Variants in TMEM44 observed in about 807,000 individuals in gnomAD.
TMEM44 encodes transmembrane protein 44.
In TMEM44, 43 loss-of-function variants were observed where a neutral mutation model predicts 47.8. That is an observed-to-expected ratio of 0.90 (90% CI 0.70 to 1.16). TMEM44 has a LOEUF of 1.16. TMEM44 is among the 50% of genes most tolerant of loss of function. The probability of loss-of-function intolerance (pLI) is 0.00; values close to 1 mark genes in which losing one functional copy is unlikely to be tolerated. For synonymous variants in TMEM44, 277 were observed against 238.8 expected (o/e 1.16, Z -1.48); for missense variants, 568 against 555.2 (o/e 1.02, Z -0.23).
At chr3:194,602,886 T>A (rs76734410) in intron 9 of TMEM44, among the ~76,000 whole-genome samples, 1 of 152,200 alleles carries the variant, frequency 6.6e-6, no homozygotes, top group East Asian at 1.9e-4. Context: ...CAATGGCTAA[T>A]TGATTATTTT....
intron 5 of TMEM44, among the ~76,000 whole-genome samples, chr3:194,618,793 C>A (rs1716221859): frequency 6.6e-6 from 1 of 152,162 alleles, no homozygotes; most frequent in Non-Finnish European, 1.5e-5. Context: ...CAAAAAGAAT[C>A]CTTAAGAGTG....
intron 5 of TMEM44, among the ~76,000 whole-genome samples, chr3:194,619,719 GCTGGGTTT>G (rs1374769914): frequency 6.6e-6 from 1 of 152,180 alleles, no homozygotes; most frequent in Admixed American, 6.5e-5. Context: ...CCCAAACCCT[GCTGGGTTT>G]CTCCCTATGA....
At chr3:194,613,848 C>A (rs1373066998) in intron 7 of TMEM44, among the ~76,000 whole-genome samples, 1 of 151,686 alleles carries the variant, frequency 6.6e-6, no homozygotes, top group Non-Finnish European at 1.5e-5. Flanking sequence ...ATAGGCCGGG[C>A]CCGGTGGCTC....
chr3:194,596,869 T>A (rs1403710159), intron 9 of TMEM44: 1 of 152,198 alleles, frequency 6.6e-6, no homozygotes, highest in Non-Finnish European at 1.5e-5. Context: ...CCAGAACGAA[T>A]GATTTGGCTT....
In TMEM44 at chr3:194,612,981, A is replaced by C. The variant is rs529359269; in HGVS notation, c.913-1961T>G. Among the ~76,000 whole-genome samples, 39 of 152,266 alleles carry C rather than the reference A, an allele frequency of 2.6e-4. No homozygotes were observed. The South Asian group carries it at 7.7e-3, about 30-fold the overall frequency. Reference sequence around the variant, plus strand: ...TTCAAGTCCTTACAAGCTTTCTTTGAGTTACTTTCTCAATTATTTGGAACC... The same window carrying C: ...TTCAAGTCCTTACAAGCTTTCTTTGCGTTACTTTCTCAATTATTTGGAACC... On this transcript the variant is annotated intron_variant, in intron 7 of 9. Coordinates refer to ENST00000347147, the MANE Select transcript of TMEM44 (RefSeq NM_001011655.3).
intron 7 of TMEM44, among the ~76,000 whole-genome samples, chr3:194,614,684 G>A (rs1332689867): frequency 6.6e-6 from 1 of 152,102 alleles, no homozygotes; most frequent in East Asian, 1.9e-4. Context: ...TGGGATTACA[G>A]GCATGAGCCA....
Position 194,633,249 on chromosome 3 carries a change from C to A in TMEM44, c.-34G>T. ...TGGGCGCGCGGCGCGGGGCCGGGGA[C>A]CTGGGCGCAGCCTCCCTCGCCGCGG... On this transcript the variant is annotated 5_prime_UTR_variant, in exon 1 of 10. Transcript: ENST00000347147. The A allele has an allele frequency of 8.5e-7, 1 of 1,176,654 alleles. No individual in the cohort carries two copies. Among genetic ancestry groups the A allele is most frequent in the Non-Finnish European group, 1.1e-6 (1 of 941,648 alleles). 72.9% of individuals were successfully genotyped at this position (1,176,654 alleles called of 1,614,324 possible). A position where few individuals can be genotyped will look rare whatever the true frequency, so the allele number is the denominator to read the frequency against.
chr3:194,630,464 A>G (rs571214307), intron 1 of TMEM44, among the ~76,000 whole-genome samples: 42 of 26,182 alleles, frequency 1.6e-3, no homozygotes, highest in African/African-American at 0.01. Flanking sequence ...GGCTGTTTCC[A>G]TCGGCGTCAC....
At chr3:194,605,059 T>C (rs1278074526) in intron 8 of TMEM44, among the ~76,000 whole-genome samples, 2 of 152,190 alleles carry the variant, frequency 1.3e-5, no homozygotes, top group African/African-American at 2.4e-5. Context: ...TGAAAGTGAG[T>C]TGGGATGAAA....
rs1718013134 is a variant in TMEM44, at chr3:194,633,161, G to A, written c.55C>T (p.Arg19Cys). 2 of 1,548,426 alleles carry A rather than the reference G, an allele frequency of 1.3e-6. No individual in the cohort carries two copies. Among genetic ancestry groups the A allele is most frequent in the African/African-American group, 1.4e-5 (1 of 72,994 alleles). ...CAGACGCGGTGGCGGGCGAAGCAGC[G>A]GTCCAGGTAGTCCCAGTCCCAGAGC... ...PALWDWDYLD[R>C]CFARHRVCIS... is the part of the protein sequence containing the mutation. The change falls in exon 1 of 10, where the codon CGC becomes TGC. Residue 19 changes from arginine to cysteine, a missense_variant. Physicochemically the swap from Arg to Cys is radical, Grantham distance 180. Coordinates refer to ENST00000347147, the MANE Select transcript of TMEM44 (RefSeq NM_001011655.3).
chr3:194,630,427 G>A (rs1488888279), intron 1 of TMEM44, among the ~76,000 whole-genome samples: 4 of 100,960 alleles, frequency 4.0e-5, no homozygotes, highest in African/African-American at 9.4e-5. Context: ...GAAATAATAC[G>A]CTGTCGTACT....
At chr3:194,619,542 G>A (rs1235368737) in intron 5 of TMEM44, among the ~76,000 whole-genome samples, 11 of 152,212 alleles carry the variant, frequency 7.2e-5, no homozygotes, top group Non-Finnish European at 1.3e-4. Flanking sequence ...ATCAGTGGGT[G>A]TTTCGTACCC....
chr3:194,625,799 T>C, intron 3 of TMEM44, 98 bp downstream of exon 3: 2 of 1,125,756 alleles, frequency 1.8e-6, no homozygotes, highest in Non-Finnish European at 2.7e-6. Flanking sequence ...TGTTTGTGCC[T>C]GGCTGGGGCC....
At chr3:194,618,100 C>A (rs1560187372) in intron 5 of TMEM44, among the ~76,000 whole-genome samples, 1 of 152,168 alleles carries the variant, frequency 6.6e-6, no homozygotes, top group African/African-American at 2.4e-5. Flanking sequence ...TCCTTTAGAG[C>A]AATGCAAGAA....
chr3:194,624,708 C>T (rs1281771502), intron 3 of TMEM44, among the ~76,000 whole-genome samples: 3 of 150,200 alleles, frequency 2.0e-5, no homozygotes. Context: ...CATGAGCCAC[C>T]ACACCACTTG....
At chr3:194,621,240 C>A (rs1417428698) in intron 5 of TMEM44, among the ~76,000 whole-genome samples, 3 of 152,186 alleles carry the variant, frequency 2.0e-5, no homozygotes, top group Non-Finnish European at 2.9e-5. Context: ...CAAGGGGCTA[C>A]CCGAACCTGG....
chr3:194,619,860 G>A (rs1429054064), intron 5 of TMEM44, among the ~76,000 whole-genome samples: 4 of 152,138 alleles, frequency 2.6e-5, no homozygotes, highest in South Asian at 2.1e-4. Context: ...TCACTCTATC[G>A]TCCTGCCCAG....
At chr3:194,590,900 T>G (rs1357858233) in intron 9 of TMEM44, among the ~76,000 whole-genome samples, 1 of 152,118 alleles carries the variant, frequency 6.6e-6, no homozygotes, top group African/African-American at 2.4e-5. Context: ...GTGAGCTCTT[T>G]AAACTAGTAC....
chr3:194,616,895 A>AAAAC (rs769758151), intron 6 of TMEM44: 227 of 643,620 alleles, frequency 3.5e-4, no homozygotes, highest in Middle Eastern at 2.6e-4. Context: ...ACTCCATCTC[A>AAAAC]AAACAAACAA....
Sources: gnomAD v4.1 joint callset for allele counts (sites outside exome capture counted in the v4.1 genomes callset) on GRCh38, gnomAD v4.1.1 for gene constraint, MANE v1.5 for transcripts, NCBI Gene and HGNC (gene_info 2026-07-23, HGNC 2026-07-21) for gene names.